The following CAST variants were observed in gnomAD, a reference collection of about 807,000 sequenced individuals.
CAST encodes MIR583 host.
CAST carries 76 observed loss-of-function variants against 119.6 expected under a neutral mutation model. That is an observed-to-expected ratio of 0.64 (90% CI 0.53 to 0.77). CAST has a LOEUF of 0.77. CAST is among the 30% of genes least tolerant of loss of function. The pLI is 0.00. For synonymous variants in CAST, 319 were observed against 331.6 expected (o/e 0.96, Z 0.41); for missense variants, 953 against 946.5 (o/e 1.01, Z -0.09).
the CAST span, among the ~76,000 whole-genome samples, chr5:96,454,687 G>A: frequency 7.2e-5 from 11 of 152,240 alleles, no homozygotes; most frequent in African/African-American, 1.4e-4. Context: ...AGATTGTTTC[G>A]TTTGAAAATT....
At chr5:96,743,056 T>C (rs1737807538) in intron 16 of CAST, among the ~76,000 whole-genome samples, 1 of 152,198 alleles carries the variant, frequency 6.6e-6, no homozygotes, top group African/African-American at 2.4e-5. Context: ...ATAGTGAAGT[T>C]TGGCAATTGG....
chr5:96,743,752 G>A (rs202108708), intron 16 of CAST: 57 of 1,550,544 alleles, frequency 3.7e-5, no homozygotes, highest in Admixed American at 3.2e-4. Context: ...ACCAAGTAAT[G>A]TATTGGGAAG....
the CAST span, among the ~76,000 whole-genome samples, chr5:96,237,758 T>G: frequency 6.6e-6 from 1 of 151,976 alleles, no homozygotes; most frequent in African/African-American, 2.4e-5. Context: ...TAAAAAAATC[T>G]ACTCTCAATC....
chr5:96,531,225 G>A (rs1300301039), intron 1 of CAST, among the ~76,000 whole-genome samples: 1 of 152,186 alleles, frequency 6.6e-6, no homozygotes, highest in Non-Finnish European at 1.5e-5. Context: ...GACAGAGGAG[G>A]CCACAGCTCA....
At chr5:96,068,203 C>T in the CAST span, among the ~76,000 whole-genome samples, 2 of 152,168 alleles carry the variant, frequency 1.3e-5, no homozygotes, top group Non-Finnish European at 2.9e-5. Context: ...TGGGCCCTGA[C>T]TCATTGCTTG....
At chr5:96,423,538 A>ACT in the CAST span, 1 of 1,282,878 alleles carries the variant, frequency 7.8e-7, no homozygotes. Flanking sequence ...TCCAACCTGG[A>ACT]GACCCATCTT....
At chr5:96,107,724 G>T in the CAST span, among the ~76,000 whole-genome samples, 3 of 152,164 alleles carry the variant, frequency 2.0e-5, no homozygotes, top group African/African-American at 7.2e-5. Context: ...TTCTCAAGGA[G>T]TATCTTTGTG....
At chr5:96,355,969 G>A in the CAST span, among the ~76,000 whole-genome samples, 1 of 152,020 alleles carries the variant, frequency 6.6e-6, no homozygotes, top group African/African-American at 2.4e-5. Context: ...CAAAGTGCTG[G>A]GATTACAGGC....
At chr5:95,996,981 AAGAC>A in the CAST span, among the ~76,000 whole-genome samples, 1 of 152,194 alleles carries the variant, frequency 6.6e-6, no homozygotes, top group Admixed American at 6.6e-5. Flanking sequence ...AACAAAAAAA[AAGAC>A]AGGAATATTG....
the CAST span, among the ~76,000 whole-genome samples, chr5:96,004,758 G>T: frequency 3.3e-5 from 5 of 152,124 alleles, no homozygotes; most frequent in Non-Finnish European, 7.4e-5. Context: ...AGAGATAAGA[G>T]ATATCAACAA....
chr5:96,495,493 C>T, the CAST span, among the ~76,000 whole-genome samples: 3 of 152,136 alleles, frequency 2.0e-5, no homozygotes, highest in Non-Finnish European at 4.4e-5. Flanking sequence ...TGTTCAGCTC[C>T]ACTTATGAGT....
chr5:96,101,363 A>T, the CAST span, among the ~76,000 whole-genome samples: 1 of 152,244 alleles, frequency 6.6e-6, no homozygotes, highest in African/African-American at 2.4e-5. Context: ...GAGACAACAC[A>T]TGTGAGATAT....
chr5:96,051,027 T>C, the CAST span, among the ~76,000 whole-genome samples: 6 of 152,194 alleles, frequency 3.9e-5, no homozygotes, highest in South Asian at 2.1e-4. Context: ...TTACAAACAC[T>C]TTGGGCCCTT....
chr5:96,425,064 G>GAAAGAA, the CAST span, among the ~76,000 whole-genome samples: 1 of 137,560 alleles, frequency 7.3e-6, no homozygotes, highest in East Asian at 2.1e-4. Context: ...AAGAAAGAAA[G>GAAAGAA]AAAGAAAGAA....
the CAST span, among the ~76,000 whole-genome samples, chr5:96,022,642 G>A: frequency 2.6e-5 from 4 of 152,148 alleles, no homozygotes; most frequent in African/African-American, 7.2e-5. Flanking sequence ...ATGGAATAAA[G>A]CTCTGTGTCA....
At chr5:96,046,943 T>C in the CAST span, among the ~76,000 whole-genome samples, 1 of 152,128 alleles carries the variant, frequency 6.6e-6, no homozygotes, top group Non-Finnish European at 1.5e-5. Context: ...CCAGCCCCCA[T>C]GATTCAATTA....
At chr5:96,200,020 C>G in the CAST span, among the ~76,000 whole-genome samples, 26,382 of 152,024 alleles carry the variant, frequency 0.17, 3,933 homozygotes, top group African/African-American at 0.4. Context: ...TAAGGCCACT[C>G]TATAACTGGA....
intron 1 of CAST, among the ~76,000 whole-genome samples, chr5:96,603,232 T>C (rs1437987429): frequency 6.6e-6 from 1 of 152,240 alleles, no homozygotes; most frequent in African/African-American, 2.4e-5. Context: ...ACCCATGCTA[T>C]AGTAAACTAC....
chr5:96,391,403 TG>T, the CAST span: 11 of 152,188 alleles, frequency 7.2e-5, no homozygotes, highest in Admixed American at 4.6e-4. Context: ...AAGCCAGCAT[TG>T]TAGGTGACTG....
Sources: allele counts gnomAD v4.1 joint callset (sites outside exome capture counted in the v4.1 genomes callset), GRCh38; gene constraint gnomAD v4.1.1; transcripts MANE v1.5; gene names NCBI Gene and HGNC (gene_info 2026-07-23, HGNC 2026-07-21).